Variants in USP47 observed in about 807,000 individuals in gnomAD.
USP47 encodes ubiquitin specific peptidase 47.
A neutral mutation model predicts 165.1 loss-of-function variants in USP47; 35 were observed. That is an observed-to-expected ratio of 0.21 (90% CI 0.16 to 0.28). USP47 has a LOEUF of 0.28. Among genes scored for constraint, USP47 ranks in the 10% least tolerant of loss-of-function variants. USP47 has a pLI of 1.00. For missense variants in USP47, 1,277 were observed against 1,607.4 expected, an observed-to-expected ratio of 0.79 and a Z score of 3.52; for synonymous variants, 531 against 544.5, an observed-to-expected ratio of 0.98 and a Z score of 0.35.
intron 20 of USP47, among the ~76,000 whole-genome samples, chr11:11,947,231 C>G (rs980955790): frequency 6.6e-6 from 1 of 152,106 alleles, no homozygotes; most frequent in African/African-American, 2.4e-5. Flanking sequence ...TAGGGAAAAA[C>G]GAAGCTCATC....
chr11:11,865,543 T>C (rs1329870663), intron 1 of USP47, among the ~76,000 whole-genome samples: 5 of 152,294 alleles, frequency 3.3e-5, no homozygotes, highest in Admixed American at 6.5e-5. Context: ...TTGCTGGATC[T>C]TATGGTAATA....
chr11:11,950,607 T>C (rs910412811), intron 24 of USP47, 125 bp downstream of exon 24: 2 of 682,896 alleles, frequency 2.9e-6, no homozygotes, highest in African/African-American at 1.9e-5. Flanking sequence ...TTTTGTGTTA[T>C]ATTAAGCATA....
At chr11:11,906,449 C>T (rs543268243) in intron 8 of USP47, among the ~76,000 whole-genome samples, 2 of 152,216 alleles carry the variant, frequency 1.3e-5, no homozygotes, top group African/African-American at 4.8e-5. Flanking sequence ...GATAGTGCTA[C>T]AAGTATGGTT....
At chr11:11,883,927 G>A (rs902427730) in intron 2 of USP47, among the ~76,000 whole-genome samples, 1 of 152,092 alleles carries the variant, frequency 6.6e-6, no homozygotes, top group African/African-American at 2.4e-5. Flanking sequence ...TCCTTAAGGA[G>A]TCTTTCTAAA....
At chr11:11,854,007 C>T (rs1010545312) in intron 1 of USP47, among the ~76,000 whole-genome samples, 2 of 150,962 alleles carry the variant, frequency 1.3e-5, no homozygotes, top group African/African-American at 2.4e-5. Flanking sequence ...TGGTGGTGGG[C>T]GCCTGTAGTC....
rs1293669487 is a variant in USP47 at position 11,938,254 on chromosome 11, CAG to C, written c.2078-1_2078del. ...TCTGTGTTTATGTCTTCAAATGTGA[CAG>C]AAGTGATGGTGAAAGTTCATGTTGT... is the stretch of plus-strand genomic sequence containing the variant. On this transcript the variant is annotated splice_acceptor_variant, in intron 17 of 27. Transcript: ENST00000527733. LOFTEE classifies it high-confidence loss of function. The C allele has an allele frequency of 1.2e-6, 2 of 1,610,254 alleles. No individual in the cohort carries two copies.
intron 8 of USP47, among the ~76,000 whole-genome samples, chr11:11,906,879 C>T (rs1312303342): frequency 2.6e-5 from 4 of 152,028 alleles, no homozygotes; most frequent in Non-Finnish European, 2.9e-5. Flanking sequence ...TTTAAATACT[C>T]GCATTTCTCT....
At position 11,922,868 on chromosome 11, in the gene USP47, A is replaced by T; in HGVS notation, c.1363A>T (p.Ile455Phe). The change falls in exon 11 of 28, where the codon ATC (isoleucine) becomes TTC (phenylalanine). Residue 455 changes from isoleucine (I) to phenylalanine (F), a missense_variant. By Grantham distance (21) the Ile-to-Phe change is conservative. This residue lies in a region of USP47 where 909 missense variants were observed against 1,068.1 expected (regional missense o/e 0.85). Coordinates refer to ENST00000527733, the MANE Select transcript of USP47 (RefSeq NM_001282659.2). ...TGAAACCAATAGTGGAACTGAAAAG[A>T]TCTCAAAATCTGGACTTGAAAAGGT... ...CLETNSGTEK[I>F]SKSGLEKNSL... The T allele has an allele frequency of 1.2e-6, 2 of 1,609,752 alleles. No individual in the cohort carries two copies. The highest frequency in any genetic ancestry group is 2.2e-5 in the East Asian group (1 of 44,572).
chr11:11,907,029 G>C (rs921627868), intron 8 of USP47, among the ~76,000 whole-genome samples: 1 of 151,948 alleles, frequency 6.6e-6, no homozygotes, highest in Non-Finnish European at 1.5e-5. Context: ...TGAATATTGA[G>C]GAAGCTAAAT....
Position 11,954,957 on chromosome 11 carries a change from G to A in USP47, c.3762+13G>A. Reference sequence around the variant, plus strand: ...TGAATTTGCTAAGGTAAAGCCCTGAGAATGTTGCATCTGTGTATTGTGCAT... The same window carrying A: ...TGAATTTGCTAAGGTAAAGCCCTGAAAATGTTGCATCTGTGTATTGTGCAT... On this transcript the variant is annotated intron_variant, in intron 26 of 27. Coordinates refer to ENST00000527733, the MANE Select transcript of USP47 (RefSeq NM_001282659.2). The A allele has an allele frequency of 1.2e-6, 2 of 1,613,884 alleles. No homozygotes were observed. The highest frequency in any genetic ancestry group is 8.5e-7 in the Non-Finnish European group (1 of 1,179,946).
intron 8 of USP47, among the ~76,000 whole-genome samples, chr11:11,919,225 C>T (rs375239125): frequency 4.6e-5 from 7 of 151,954 alleles, no homozygotes; most frequent in South Asian, 2.1e-4. Flanking sequence ...GACCATTAAG[C>T]TCCTTTATCT....
chr11:11,927,841 A>G (rs1334510127), intron 11 of USP47, among the ~76,000 whole-genome samples: 1 of 152,116 alleles, frequency 6.6e-6, no homozygotes, highest in Non-Finnish European at 1.5e-5. Context: ...CATTTGGATG[A>G]AGGCACTTTA....
At chr11:11,921,132 C>CT (rs1156380861) in intron 10 of USP47, among the ~76,000 whole-genome samples, 2 of 151,622 alleles carry the variant, frequency 1.3e-5, no homozygotes, top group African/African-American at 4.8e-5. Flanking sequence ...ATATTCCACT[C>CT]TATTATTTTG....
chr11:11,888,375 G>A (rs1484128072), intron 3 of USP47, among the ~76,000 whole-genome samples: 13 of 152,006 alleles, frequency 8.6e-5, no homozygotes, highest in Non-Finnish European at 1.3e-4. Context: ...ACGATAAGGG[G>A]GATATCACCA....
In USP47 at chr11:11,934,007, A is replaced by G. The variant is rs1248637351; in HGVS notation, c.1869+72A>G. ...TTAACATAATTTCCCAAGTTTTTAT[A>G]ATGGATAATAGTTATATAAACACTG... On this transcript the variant is annotated intron_variant, in intron 16 of 27. Transcript: ENST00000527733. 7 of 1,093,760 alleles carry G rather than the reference A, an allele frequency of 6.4e-6. 1 individual carries two copies. The highest frequency in any genetic ancestry group is 4.8e-4 in the Middle Eastern group (2 of 4,124). 67.8% of individuals were successfully genotyped at this position (1,093,760 alleles called of 1,614,324 possible).
Position 11,842,171 on chromosome 11 carries a change from C to A in USP47, c.-15C>A, listed in dbSNP as rs1017509239. The A allele has an allele frequency of 6.4e-7, 1 of 1,552,308 alleles. No homozygotes were observed. Among genetic ancestry groups the A allele is most frequent in the Non-Finnish European group, 8.7e-7 (1 of 1,147,060 alleles). On this transcript the variant is annotated 5_prime_UTR_variant, in exon 1 of 28. Coordinates refer to ENST00000527733, the MANE Select transcript of USP47 (RefSeq NM_001282659.2). ...CCTCCCCCGGCAGGGCGGAGAGGAG[C>A]GGCCGGAGTCAGCGATGGTGCCCGG...
chr11:11,866,206 A>G (rs917171477), intron 1 of USP47, among the ~76,000 whole-genome samples: 5 of 152,092 alleles, frequency 3.3e-5, no homozygotes, highest in Admixed American at 1.3e-4. Flanking sequence ...TTTCCCTCCT[A>G]TCTCCTTTGT....
intron 8 of USP47, among the ~76,000 whole-genome samples, chr11:11,914,161 A>G (rs1853233054): frequency 6.6e-6 from 1 of 152,130 alleles, no homozygotes; most frequent in South Asian, 2.1e-4. Flanking sequence ...AAGACTTATT[A>G]TATGGCTATA....
chr11:11,957,584 TTAAA>T lies in USP47; in HGVS notation c.*1412_*1415del, dbSNP rs1847262372. ...TGGGTTAAGAATAGATTTGTCATCT[TTAAA>T]TATGACATTTTGTAATGTGTATTGG... On this transcript the variant is annotated 3_prime_UTR_variant, in exon 28 of 28. Transcript: ENST00000527733. 1 of 152,662 alleles carries T rather than the reference TTAAA, an allele frequency of 6.6e-6. No homozygotes were observed. Among genetic ancestry groups the T allele is most frequent in the Non-Finnish European group, 1.5e-5 (1 of 68,032 alleles). 9.5% of individuals were successfully genotyped at this position (152,662 alleles called of 1,614,324 possible).
Sources: gnomAD v4.1 joint callset for allele counts (sites outside exome capture counted in the v4.1 genomes callset) on GRCh38, gnomAD v4.1.1 for gene constraint, gnomAD v4.1.1 regional missense constraint, MANE v1.5 for transcripts, NCBI Gene and HGNC (gene_info 2026-07-23, HGNC 2026-07-21) for gene names.